CRPPA: variants seen among roughly 807,000 people sequenced by gnomAD.
The protein encoded by CRPPA is CDP-L-ribitol pyrophosphorylase A, also known as D-ribitol-5-phosphate cytidylyltransferase.
A neutral mutation model predicts 52.0 loss-of-function variants in CRPPA; 43 were observed. That is an observed-to-expected ratio of 0.83 (90% confidence interval 0.65 to 1.07). The LOEUF is 1.07. CRPPA is among the 50% of genes least tolerant of loss of function. CRPPA has a pLI of 0.00. For missense variants in CRPPA, 629 were observed against 551.7 expected (o/e 1.14, Z -1.40); for synonymous variants, 250 against 203.5 (o/e 1.23, Z -1.94).
chr7:16,100,916 G>T (rs1782031325), intron 9 of CRPPA, among the ~76,000 whole-genome samples: 1 of 152,128 alleles, frequency 6.6e-6, no homozygotes. Context: ...TAATCATGTG[G>T]TTTTTGTCAT....
chr7:16,114,945 C>T (rs1173093170), intron 9 of CRPPA, among the ~76,000 whole-genome samples: 1 of 152,034 alleles, frequency 6.6e-6, no homozygotes, highest in Non-Finnish European at 1.5e-5. Flanking sequence ...CAGTTAATGA[C>T]TCCCCTGCTC....
intron 9 of CRPPA, among the ~76,000 whole-genome samples, chr7:16,172,302 C>T (rs1781206194): frequency 6.6e-6 from 1 of 152,148 alleles, no homozygotes; most frequent in Non-Finnish European, 1.5e-5. Context: ...GTGCAGCTAT[C>T]AGTCAGCTGC....
At chr7:16,369,383 T>A (rs1786690172) in intron 3 of CRPPA, among the ~76,000 whole-genome samples, 1 of 152,148 alleles carries the variant, frequency 6.6e-6, no homozygotes, top group African/African-American at 2.4e-5. Context: ...ATAACATTGG[T>A]TTCTAAGTTA....
In CRPPA at chr7:16,091,245, A is replaced by G. The variant is rs73289965; in HGVS notation, c.*450T>C. Reference sequence around the variant, plus strand: ...TTTTAACACAAGACAAAAAGACAAAATATCACCTGGTGACAGGACAATTAT... The same window carrying G: ...TTTTAACACAAGACAAAAAGACAAAGTATCACCTGGTGACAGGACAATTAT... On this transcript the variant is annotated 3_prime_UTR_variant, in exon 10 of 10. Coordinates refer to ENST00000407010, the MANE Select transcript of CRPPA (RefSeq NM_001101426.4). The G allele has an allele frequency of 6.5e-6, 1 of 153,802 alleles. No homozygotes were observed. The highest frequency in any genetic ancestry group is 2.4e-5 in the African/African-American group (1 of 41,458). The allele number at this position is 153,802 out of a possible 1,614,324, so 9.5% of individuals were successfully genotyped here. A position where few individuals can be genotyped will look rare whatever the true frequency, so the allele number is the denominator to read the frequency against.
At chr7:16,197,831 T>G (rs1192691489) in intron 9 of CRPPA, among the ~76,000 whole-genome samples, 1 of 150,486 alleles carries the variant, frequency 6.6e-6, no homozygotes, top group Non-Finnish European at 1.5e-5. Context: ...TGCCTTGAGA[T>G]TCTGTTAATC....
intron 3 of CRPPA, among the ~76,000 whole-genome samples, chr7:16,341,768 T>C (rs1390369564): frequency 6.6e-6 from 1 of 152,210 alleles, no homozygotes; most frequent in African/African-American, 2.4e-5. Context: ...AATGAATATC[T>C]TAGAGAATAG....
intron 8 of CRPPA, among the ~76,000 whole-genome samples, chr7:16,241,168 G>C (rs1051501489): frequency 1.3e-5 from 2 of 152,112 alleles, no homozygotes; most frequent in Non-Finnish European, 2.9e-5. Flanking sequence ...AAAATATCAA[G>C]TGTAAATGGA....
At chr7:16,130,696 T>G (rs1782664469) in intron 9 of CRPPA, among the ~76,000 whole-genome samples, 2 of 152,212 alleles carry the variant, frequency 1.3e-5, no homozygotes, top group Admixed American at 1.3e-4. Context: ...ATCCTATTTT[T>G]AAAATTAGGT....
chr7:16,130,797 CA>C (rs1166544277), intron 9 of CRPPA, among the ~76,000 whole-genome samples: 1 of 152,126 alleles, frequency 6.6e-6, no homozygotes, highest in Admixed American at 6.5e-5. Flanking sequence ...CTGTGTCCCC[CA>C]AAATTCCTGT....
intron 9 of CRPPA, among the ~76,000 whole-genome samples, chr7:16,170,511 C>T (rs1035231784): frequency 3.9e-5 from 6 of 152,190 alleles, no homozygotes; most frequent in Admixed American, 6.5e-5. Context: ...GCTCATAAAA[C>T]GCAGTGCTGA....
At chr7:16,207,521 T>C (rs994474676) in intron 9 of CRPPA, among the ~76,000 whole-genome samples, 1 of 152,222 alleles carries the variant, frequency 6.6e-6, no homozygotes, top group African/African-American at 2.4e-5. Flanking sequence ...TAATTAGTGT[T>C]GCATAAAGTG....
At chr7:16,395,240 G>T (rs554610310) in intron 2 of CRPPA, among the ~76,000 whole-genome samples, 26 of 152,224 alleles carry the variant, frequency 1.7e-4, no homozygotes, top group African/African-American at 5.3e-4. Flanking sequence ...ACATGTCACT[G>T]TATGGAAATC....
rs184597438 is a variant in CRPPA, at chr7:16,190,398, T to C, written c.1251+25668A>G. 2.1e-4 allele frequency among the ~76,000 whole-genome samples: 32 copies of C among 152,306 alleles called. 1 individual carries two copies. Among genetic ancestry groups the C allele is most frequent in the Non-Finnish European group, 1.5e-5 (1 of 68,008 alleles). Reference sequence around the variant, plus strand: ...GTAATAGGAACAAACGAATTAAGTATGGTAAATTAGGTCACCGTGTTACAA... The same window carrying C: ...GTAATAGGAACAAACGAATTAAGTACGGTAAATTAGGTCACCGTGTTACAA... On this transcript the variant is annotated intron_variant, in intron 9 of 9. Transcript: ENST00000407010.
chr7:16,199,577 T>C (rs1481234262), intron 9 of CRPPA, among the ~76,000 whole-genome samples: 1 of 152,310 alleles, frequency 6.6e-6, no homozygotes, highest in East Asian at 1.9e-4. Flanking sequence ...TCATTTTTTA[T>C]TACCATCAAA....
chr7:16,407,558 T>A (rs1787983724), intron 1 of CRPPA, among the ~76,000 whole-genome samples: 1 of 152,202 alleles, frequency 6.6e-6, no homozygotes, highest in South Asian at 2.1e-4. Flanking sequence ...AGAATATTTT[T>A]AAAGATATGG....
chr7:16,213,557 G>A (rs530447695), intron 9 of CRPPA, among the ~76,000 whole-genome samples: 15 of 151,926 alleles, frequency 9.9e-5, no homozygotes, highest in Admixed American at 2.0e-4. Flanking sequence ...AAGACCAGCC[G>A]GGTCAACATG....
chr7:16,293,983 C>A lies in CRPPA; in HGVS notation c.835+7438G>T, dbSNP rs575290037. On this transcript the variant is annotated intron_variant, in intron 5 of 9. Transcript: ENST00000407010. ...TCTTTCTTGCCTATTAAACTCCCTG[C>A]TCCTTAAAACTATTCCACGTGTGTC... Among the ~76,000 whole-genome samples the A allele has an allele frequency of 2.0e-5, 3 of 152,088 alleles. No homozygotes were observed. The South Asian group carries it at 6.2e-4, about 32-fold the overall frequency.
At chr7:16,414,144 C>T (rs1484456515) in intron 1 of CRPPA, among the ~76,000 whole-genome samples, 1 of 152,130 alleles carries the variant, frequency 6.6e-6, no homozygotes, top group Non-Finnish European at 1.5e-5. Flanking sequence ...TGTCCTCCAC[C>T]TAAGAGAGCT....
At chr7:16,277,364 C>CAAAAAAAA (rs35386502) in intron 6 of CRPPA, 1 of 77,688 alleles carries the variant, frequency 1.3e-5, no homozygotes, top group Admixed American at 1.7e-4. Context: ...GACTCCATCT[C>CAAAAAAAA]AAAAAAAAAA....
Sources: gnomAD v4.1 joint callset for allele counts (sites outside exome capture counted in the v4.1 genomes callset) on GRCh38, gnomAD v4.1.1 for gene constraint, MANE v1.5 for transcripts, NCBI Gene and HGNC (gene_info 2026-07-23, HGNC 2026-07-21) for gene names.